Variants in SDCCAG8 observed in about 807,000 individuals in gnomAD.
The protein encoded by SDCCAG8 is SHH signaling and ciliogenesis regulator SDCCAG8.
A neutral mutation model predicts 101.8 loss-of-function variants in SDCCAG8; 74 were observed. The ratio of observed to expected loss-of-function variants is 0.73; its 90% confidence interval spans 0.60 to 0.88. The LOEUF is 0.88. Ranked by LOEUF, SDCCAG8 falls within the 40% of genes least tolerant of loss-of-function variation. The probability of loss-of-function intolerance (pLI) is 0.00; values close to 1 mark genes in which losing one functional copy is unlikely to be tolerated. For synonymous variants in SDCCAG8, 281 were observed against 292.9 expected, an observed-to-expected ratio of 0.96 and a Z score of 0.41; for missense variants, 787 against 822.6, an observed-to-expected ratio of 0.96 and a Z score of 0.53.
intron 17 of SDCCAG8, among the ~76,000 whole-genome samples, chr1:243,494,635 G>A (rs1046619668): frequency 3.9e-5 from 6 of 152,180 alleles, no homozygotes; most frequent in African/African-American, 7.2e-5. Flanking sequence ...TTGCTCTTCC[G>A]TTAACAGTTC....
intron 10 of SDCCAG8, among the ~76,000 whole-genome samples, chr1:243,335,831 A>G (rs921805193): frequency 6.6e-6 from 1 of 151,836 alleles, no homozygotes; most frequent in African/African-American, 2.4e-5. Flanking sequence ...TGTTGTTGCT[A>G]TCTTTATATC....
chr1:243,442,447 C>T (rs969901254), intron 16 of SDCCAG8, among the ~76,000 whole-genome samples: 2 of 152,148 alleles, frequency 1.3e-5, no homozygotes, highest in African/African-American at 4.8e-5. Flanking sequence ...TGTGATGCGT[C>T]TACAGCCAAC....
At chr1:243,327,330 A>AT (rs375237951) in intron 9 of SDCCAG8, among the ~76,000 whole-genome samples, 4,148 of 61,282 alleles carry the variant, frequency 0.068, 1,962 homozygotes, top group Admixed American at 0.081. Context: ...TAAAATTATA[A>AT]TTATAATTTT....
intron 16 of SDCCAG8, among the ~76,000 whole-genome samples, chr1:243,468,105 G>C (rs1335693621): frequency 2.6e-5 from 4 of 152,124 alleles, no homozygotes; most frequent in African/African-American, 7.2e-5. Flanking sequence ...TTGTGTTCCA[G>C]CTTTACCACT....
intron 16 of SDCCAG8, among the ~76,000 whole-genome samples, chr1:243,437,453 C>T (rs972610845): frequency 6.6e-6 from 1 of 152,034 alleles, no homozygotes; most frequent in Admixed American, 6.6e-5. Flanking sequence ...GGCATGTCAC[C>T]CAGGTTTGGA....
At position 243,342,365 on chromosome 1, in the gene SDCCAG8, G is replaced by C. The variant is rs972717052; in HGVS notation, c.1356+1192G>C. Among the ~76,000 whole-genome samples, 3 of 152,180 alleles carry C rather than the reference G, an allele frequency of 2.0e-5. No individual in the cohort carries two copies. The East Asian group carries it at 5.8e-4, about 29-fold the overall frequency. On this transcript the variant is annotated intron_variant, in intron 11 of 17. Coordinates refer to ENST00000366541, the MANE Select transcript of SDCCAG8 (RefSeq NM_006642.5). Reference sequence around the variant, plus strand: ...TCGCCTTGAAGTTGCTTCCAACGTGGAGATAACATAGTTCTGGTTCAATTT... The same window carrying C: ...TCGCCTTGAAGTTGCTTCCAACGTGCAGATAACATAGTTCTGGTTCAATTT...
chr1:243,496,796 C>T (rs1668026342), intron 17 of SDCCAG8, among the ~76,000 whole-genome samples: 1 of 152,260 alleles, frequency 6.6e-6, no homozygotes, highest in Non-Finnish European at 1.5e-5. Context: ...ACTTAACAAA[C>T]TTTAGAAATA....
chr1:243,475,494 A>G (rs912070853), intron 16 of SDCCAG8, among the ~76,000 whole-genome samples: 6 of 152,112 alleles, frequency 3.9e-5, no homozygotes, highest in Non-Finnish European at 7.4e-5. Context: ...TGTGGGAAGG[A>G]TGTGTATGGG....
intron 16 of SDCCAG8, among the ~76,000 whole-genome samples, chr1:243,444,662 C>T (rs553928531): frequency 2.5e-4 from 38 of 152,220 alleles, no homozygotes; most frequent in Non-Finnish European, 4.7e-4. Context: ...GGATTACAGG[C>T]GTGAGCCACT....
rs575031099 is a variant in SDCCAG8, at chr1:243,275,947, T to TC, written c.420+1293dup. Reference sequence around the variant, plus strand: ...GTCACAGTCTCCGCTCACTGCAACCTCCGACTCCCTGGTTCAAGCTATTCT... The same window carrying TC: ...GTCACAGTCTCCGCTCACTGCAACCTCCCGACTCCCTGGTTCAAGCTATTCT... On this transcript the variant is annotated intron_variant, in intron 4 of 17. Coordinates refer to ENST00000366541, the MANE Select transcript of SDCCAG8 (RefSeq NM_006642.5). Among the ~76,000 whole-genome samples the TC allele has an allele frequency of 1.4e-4, 18 of 131,346 alleles. No individual in the cohort carries two copies. In the East Asian group the frequency reaches 4.7e-3, roughly 34 times the overall value. 86.2% of individuals were successfully genotyped at this position (131,346 alleles called of 152,430 possible). A position where few individuals can be genotyped will look rare whatever the true frequency, so the allele number is the denominator to read the frequency against.
At chr1:243,481,408 C>T (rs1416340764) in intron 16 of SDCCAG8, among the ~76,000 whole-genome samples, 1 of 152,150 alleles carries the variant, frequency 6.6e-6, no homozygotes, top group Non-Finnish European at 1.5e-5. Context: ...CACCTTGCTT[C>T]TCTCATGCAT....
intron 13 of SDCCAG8, among the ~76,000 whole-genome samples, chr1:243,393,203 G>A (rs749236500): frequency 1.2e-4 from 19 of 152,196 alleles, no homozygotes; most frequent in Non-Finnish European, 2.6e-4. Context: ...TGCCAGCAGT[G>A]AGAACCTGTG....
At chr1:243,486,667 G>A (rs143612871) in intron 16 of SDCCAG8, among the ~76,000 whole-genome samples, 1 of 152,352 alleles carries the variant, frequency 6.6e-6, no homozygotes, top group Non-Finnish European at 1.5e-5. Flanking sequence ...CCTGCCCATT[G>A]CCCTGGATGG....
chr1:243,326,713 G>A (rs2074174761), intron 9 of SDCCAG8, among the ~76,000 whole-genome samples: 2 of 152,300 alleles, frequency 1.3e-5, no homozygotes, highest in African/African-American at 4.8e-5. Context: ...GTTCAAAGGT[G>A]TGAGCTGTAT....
intron 1 of SDCCAG8, among the ~76,000 whole-genome samples, chr1:243,259,967 C>G (rs2067079435): frequency 6.6e-6 from 1 of 152,114 alleles, no homozygotes; most frequent in African/African-American, 2.4e-5. Flanking sequence ...AAATGAGATC[C>G]TTGCCTCATT....
At position 243,316,762 on chromosome 1, in the gene SDCCAG8, GAT is replaced by G; in HGVS notation, c.938_939del (p.Asp313GlyfsTer25). On this transcript the variant is annotated frameshift_variant, in exon 9 of 18. Transcript: ENST00000366541. LOFTEE classifies it high-confidence loss of function. Reference sequence around the variant, plus strand: ...TTCTTTTTGTGCTGACAGAGAAAGAGATGACTTGATGTCTGCACTAGTTTCCG... The same window carrying G: ...TTCTTTTTGTGCTGACAGAGAAAGAGGACTTGATGTCTGCACTAGTTTCCG... ...QTIERLVKER[D>X]DLMSALVSVR... 6.2e-7 allele frequency: 1 copy of G among 1,614,166 alleles called. No individual in the cohort carries two copies. Among genetic ancestry groups the G allele is most frequent in the South Asian group, 1.1e-5 (1 of 91,090 alleles).
intron 16 of SDCCAG8, among the ~76,000 whole-genome samples, chr1:243,483,612 G>A (rs1397773617): frequency 6.6e-6 from 1 of 152,144 alleles, no homozygotes; most frequent in Non-Finnish European, 1.5e-5. Context: ...ACCAGAAGAG[G>A]CTTTCTCTTC....
intron 7 of SDCCAG8, chr1:243,305,346 T>A (rs1421997189): frequency 1.3e-5 from 2 of 151,638 alleles, no homozygotes; most frequent in Non-Finnish European, 2.9e-5. Flanking sequence ...CACTAACTGC[T>A]CTTATAGAAA....
chr1:243,264,153 G>A lies in SDCCAG8; in HGVS notation c.68-5952G>A, dbSNP rs576133722. Among the ~76,000 whole-genome samples the A allele has an allele frequency of 6.6e-5, 10 of 152,276 alleles. No individual in the cohort carries two copies. In the East Asian group the frequency reaches 1.9e-3, roughly 29 times the overall value. On this transcript the variant is annotated intron_variant, in intron 1 of 17. Coordinates refer to ENST00000366541, the MANE Select transcript of SDCCAG8 (RefSeq NM_006642.5). ...GGGCAATTCTCTTTCACATCTCCCA[G>A]GACAGATGGAGAATGAAGAAATTAA...
Sources: allele counts gnomAD v4.1 joint callset (sites outside exome capture counted in the v4.1 genomes callset), GRCh38; gene constraint gnomAD v4.1.1; transcripts MANE v1.5; gene names NCBI Gene and HGNC (gene_info 2026-07-23, HGNC 2026-07-21).